Variants in TBC1D19 observed in about 807,000 individuals in gnomAD.
The protein encoded by TBC1D19 is TBC1 domain family member 19.
A neutral mutation model predicts 89.0 loss-of-function variants in TBC1D19; 60 were observed. The observed-to-expected ratio is 0.67, with a 90% CI of 0.55 to 0.84. The LOEUF is 0.84. TBC1D19 is among the 40% of genes least tolerant of loss of function. TBC1D19 has a pLI of 0.00. For missense variants in TBC1D19, 500 were observed against 610.8 expected (o/e 0.82, Z 1.91); for synonymous variants, 189 against 199.7 (o/e 0.95, Z 0.45).
chr4:26,843,639 C>A, the TBC1D19 span, among the ~76,000 whole-genome samples: 3 of 151,992 alleles, frequency 2.0e-5, no homozygotes, highest in Non-Finnish European at 2.9e-5. Flanking sequence ...ATCATATAAT[C>A]TTGGTAAAGT....
chr4:26,827,534 G>A, the TBC1D19 span, among the ~76,000 whole-genome samples: 42 of 152,290 alleles, frequency 2.8e-4, no homozygotes, highest in South Asian at 8.1e-3. Context: ...AATCTCGGAG[G>A]CAGAGGTTGC....
intron 13 of TBC1D19, among the ~76,000 whole-genome samples, chr4:26,711,206 G>A (rs559993353): frequency 2.6e-5 from 4 of 152,058 alleles, no homozygotes; most frequent in Admixed American, 6.6e-5. Context: ...TTTGCATAAG[G>A]TGTAAGGAAG....
chr4:26,698,185 T>C (rs1415562182), intron 13 of TBC1D19, among the ~76,000 whole-genome samples: 1 of 152,190 alleles, frequency 6.6e-6, no homozygotes, highest in East Asian at 1.9e-4. Flanking sequence ...AAAATCAATG[T>C]GCAAAAATCA....
intron 13 of TBC1D19, among the ~76,000 whole-genome samples, chr4:26,712,525 A>T (rs1716267617): frequency 6.6e-6 from 1 of 152,044 alleles, no homozygotes; most frequent in Admixed American, 6.6e-5. Context: ...AGACAATCCT[A>T]AATAATCTCC....
intron 1 of TBC1D19, among the ~76,000 whole-genome samples, chr4:26,589,261 C>A (rs372649362): frequency 6.6e-6 from 1 of 151,936 alleles, no homozygotes; most frequent in Non-Finnish European, 1.5e-5. Flanking sequence ...GGGGACAGAG[C>A]GAGACTCCAT....
At chr4:26,730,908 C>T (rs1419800374) in intron 15 of TBC1D19, among the ~76,000 whole-genome samples, 1 of 152,194 alleles carries the variant, frequency 6.6e-6, no homozygotes, top group Non-Finnish European at 1.5e-5. Flanking sequence ...AGCCTTTGGG[C>T]TCAGAATTTC....
rs1719207177 is a variant in TBC1D19 at position 26,755,330 on chromosome 4, A to G, written c.*383A>G. 1 of 152,574 alleles carries G rather than the reference A, an allele frequency of 6.6e-6. No homozygotes were observed. The highest frequency in any genetic ancestry group is 1.5e-5 in the Non-Finnish European group (1 of 68,066). 9.5% of individuals were successfully genotyped at this position (152,574 alleles called of 1,614,324 possible). A position where few individuals can be genotyped will look rare whatever the true frequency, so the allele number is the denominator to read the frequency against. ...TTGGATAATTCTTTTATGTCAGTTTATAAATTTATCTCTAGATAATGTATT... is the reference window on the plus strand; with the variant it reads ...TTGGATAATTCTTTTATGTCAGTTTGTAAATTTATCTCTAGATAATGTATT... On this transcript the variant is annotated 3_prime_UTR_variant, in exon 21 of 21. Transcript: ENST00000264866.
chr4:26,842,888 A>G, the TBC1D19 span, among the ~76,000 whole-genome samples: 1 of 152,138 alleles, frequency 6.6e-6, no homozygotes, highest in Admixed American at 6.5e-5. Flanking sequence ...GAATGGATGA[A>G]TGAAATCGTA....
intron 13 of TBC1D19, among the ~76,000 whole-genome samples, chr4:26,711,184 C>G (rs933464505): frequency 1.3e-5 from 2 of 152,062 alleles, no homozygotes; most frequent in African/African-American, 2.4e-5. Flanking sequence ...TTTAATCCAT[C>G]TTGAATTAAT....
the TBC1D19 span, among the ~76,000 whole-genome samples, chr4:26,800,151 C>T: frequency 6.6e-6 from 1 of 152,250 alleles, no homozygotes; most frequent in Admixed American, 6.5e-5. Context: ...TGCTATCCCT[C>T]CCCGTCTCCC....
At chr4:26,620,522 G>T in intron 3 of TBC1D19, 91 bp from the exon 4 acceptor site, 1 of 1,037,486 alleles carries the variant, frequency 9.6e-7, no homozygotes, top group Non-Finnish European at 1.4e-6. Context: ...AATGTTACTG[G>T]GAAAACAGTT....
the TBC1D19 span, among the ~76,000 whole-genome samples, chr4:26,765,450 G>T: frequency 6.6e-6 from 1 of 151,432 alleles, no homozygotes; most frequent in Admixed American, 6.6e-5. Context: ...CAAAGAGGTA[G>T]GGGGGGATGG....
intron 7 of TBC1D19, among the ~76,000 whole-genome samples, chr4:26,643,979 G>A (rs762656573): frequency 9.2e-5 from 14 of 152,062 alleles, no homozygotes; most frequent in Admixed American, 4.6e-4. Context: ...ATTCACAGCC[G>A]AATTCTACCA....
chr4:26,817,904 G>A, the TBC1D19 span, among the ~76,000 whole-genome samples: 1 of 150,626 alleles, frequency 6.6e-6, no homozygotes, highest in African/African-American at 2.5e-5. Flanking sequence ...GGAGGCAGAG[G>A]TTGCAGTGAG....
the TBC1D19 span, among the ~76,000 whole-genome samples, chr4:26,835,448 C>T: frequency 6.6e-6 from 1 of 152,202 alleles, no homozygotes; most frequent in African/African-American, 2.4e-5. Context: ...TAATTTGTTA[C>T]AGCAGCAATA....
intron 10 of TBC1D19, among the ~76,000 whole-genome samples, chr4:26,673,446 T>TACACACACACACACACACACAC (rs61054571): frequency 2.2e-5 from 2 of 90,872 alleles, no homozygotes; most frequent in African/African-American, 8.5e-5. Context: ...TATATATATA[T>TACACACACACACACACACACAC]ACACACACAC....
chr4:26,671,723 A>G (rs1379062976), intron 9 of TBC1D19, among the ~76,000 whole-genome samples: 1 of 151,802 alleles, frequency 6.6e-6, no homozygotes, highest in African/African-American at 2.4e-5. Flanking sequence ...TTGTAAATGA[A>G]GCTGTCAATA....
intron 1 of TBC1D19, among the ~76,000 whole-genome samples, chr4:26,594,085 C>T (rs1314516860): frequency 1.3e-5 from 2 of 152,158 alleles, no homozygotes; most frequent in Non-Finnish European, 2.9e-5. Context: ...GACTTGGAAC[C>T]AACCCAAATG....
rs1491449642 is a variant in TBC1D19 at position 26,673,425 on chromosome 4, A to ATG, written c.704-350_704-349insGT. ...GATAATGGAATCTAAAAATTATTTC[A>ATG]TATATATATATATATATATATACAC... On this transcript the variant is annotated intron_variant, in intron 10 of 20. Coordinates refer to ENST00000264866, the MANE Select transcript of TBC1D19 (RefSeq NM_018317.4). 2.1e-3 allele frequency among the ~76,000 whole-genome samples: 170 copies of ATG among 81,420 alleles called. 1 individual carries two copies. Among genetic ancestry groups the ATG allele is most frequent in the South Asian group, 0.016 (36 of 2,270 alleles). The allele number at this position is 81,420 out of a possible 152,430, so 53.4% of individuals were successfully genotyped here.
Sources: allele counts gnomAD v4.1 joint callset (sites outside exome capture counted in the v4.1 genomes callset), GRCh38; gene constraint gnomAD v4.1.1; transcripts MANE v1.5; gene names NCBI Gene and HGNC (gene_info 2026-07-23, HGNC 2026-07-21).